The following ABCA13 variants were observed in gnomAD, a reference collection of about 807,000 sequenced individuals.
ABCA13 encodes the protein ATP binding cassette subfamily A member 13, also known as ATP-binding cassette sub-family A member 13.
Under a neutral mutation model 478.7 loss-of-function variants are expected in ABCA13, and 476 were observed. The observed-to-expected ratio is 0.99, with a 90% CI of 0.92 to 1.07. The LOEUF (loss-of-function observed/expected upper bound fraction) is 1.07. Ranked by LOEUF, ABCA13 falls within the 50% of genes least tolerant of loss-of-function variation. The pLI is 0.00. For missense variants in ABCA13, 6,060 were observed against 5,910.6 expected (o/e 1.03, Z -0.83); for synonymous variants, 2,252 against 2,158.9 (o/e 1.04, Z -1.20).
intron 21 of ABCA13, 79 bp downstream of exon 21, chr7:48,295,942 A>T: frequency 6.8e-7 from 1 of 1,477,352 alleles, no homozygotes. Context: ...TAAAATGTGA[A>T]TTTCAGACAG....
chr7:48,590,386 C>T (rs1789608444), intron 57 of ABCA13, among the ~76,000 whole-genome samples: 2 of 151,998 alleles, frequency 1.3e-5, no homozygotes, highest in African/African-American at 4.8e-5. Context: ...CCCATTTATA[C>T]ACTTAGGGAT....
intron 31 of ABCA13, among the ~76,000 whole-genome samples, chr7:48,366,166 T>C (rs941912115): frequency 2.0e-5 from 3 of 152,112 alleles, no homozygotes; most frequent in African/African-American, 7.2e-5. Context: ...ATAAAGTCTT[T>C]CATCAAAGAA....
At chr7:48,577,998 TAAC>T (rs1364388776) in intron 55 of ABCA13, among the ~76,000 whole-genome samples, 1 of 152,074 alleles carries the variant, frequency 6.6e-6, no homozygotes, top group Non-Finnish European at 1.5e-5. Context: ...AACAGATGCA[TAAC>T]AACATTTTTC....
chr7:48,469,051 A>G (rs1827188686), intron 44 of ABCA13, among the ~76,000 whole-genome samples: 1 of 152,210 alleles, frequency 6.6e-6, no homozygotes, highest in African/African-American at 2.4e-5. Context: ...GAATTCTCCT[A>G]CTATTTCTAA....
At chr7:48,172,151 C>T (rs1190448200) in intron 1 of ABCA13, among the ~76,000 whole-genome samples, 4 of 152,140 alleles carry the variant, frequency 2.6e-5, no homozygotes, top group East Asian at 1.9e-4. Flanking sequence ...TGTAAGTGTA[C>T]GTTTTTGTGA....
chr7:48,470,167 GTCTC>G (rs1827332117), intron 44 of ABCA13, among the ~76,000 whole-genome samples: 1 of 152,130 alleles, frequency 6.6e-6, no homozygotes, highest in Admixed American at 6.5e-5. Flanking sequence ...CATCCCCTCT[GTCTC>G]TCCCTTTTAT....
chr7:48,457,591 T>G (rs1375244696), intron 43 of ABCA13, among the ~76,000 whole-genome samples: 4 of 152,252 alleles, frequency 2.6e-5, no homozygotes, highest in Admixed American at 6.5e-5. Context: ...TAATATTTTC[T>G]TCTATTTCTA....
intron 55 of ABCA13, among the ~76,000 whole-genome samples, chr7:48,549,194 C>G (rs568574499): frequency 1.3e-5 from 2 of 151,856 alleles, no homozygotes; most frequent in East Asian, 3.9e-4. Context: ...AGGTATTTGT[C>G]CTAATGCTTT....
chr7:48,462,102 G>A (rs868053203), intron 43 of ABCA13, among the ~76,000 whole-genome samples: 8 of 152,288 alleles, frequency 5.3e-5, no homozygotes, highest in African/African-American at 1.4e-4. Context: ...TTTTCCAGAC[G>A]TGGAGAAGAG....
intron 59 of ABCA13, chr7:48,626,706 G>A (rs544463425): frequency 8.1e-6 from 8 of 985,426 alleles, no homozygotes; most frequent in East Asian, 1.1e-4. Context: ...CTTTACAGCC[G>A]GCTGATCTGA....
chr7:48,462,356 C>T (rs780799461), intron 43 of ABCA13, among the ~76,000 whole-genome samples: 1 of 151,974 alleles, frequency 6.6e-6, no homozygotes, highest in Non-Finnish European at 1.5e-5. Context: ...TTATTTGGAG[C>T]AGTCTATCTG....
At chr7:48,197,562 T>C (rs1001478169) in intron 2 of ABCA13, among the ~76,000 whole-genome samples, 2 of 152,012 alleles carry the variant, frequency 1.3e-5, no homozygotes, top group Non-Finnish European at 2.9e-5. Flanking sequence ...AAACCAGGTG[T>C]ACTGTGCAGG....
chr7:48,608,711 T>C (rs1791722417), intron 58 of ABCA13, among the ~76,000 whole-genome samples: 1 of 152,226 alleles, frequency 6.6e-6, no homozygotes, highest in Non-Finnish European at 1.5e-5. Flanking sequence ...TTTTCGAAAC[T>C]AGGGAGAGTG....
At chr7:48,411,218 CTTCTCT>C (rs1819151797) in intron 40 of ABCA13, among the ~76,000 whole-genome samples, 1 of 140,980 alleles carries the variant, frequency 7.1e-6, no homozygotes, top group Non-Finnish European at 1.5e-5. Context: ...CTCCCCTTCC[CTTCTCT>C]TTCTCTTTCT....
In ABCA13 at chr7:48,279,770, A is replaced by G; in HGVS notation, c.8576A>G (p.Lys2859Arg). The change falls in exon 18 of 62, where the codon AAG becomes AGG. Residue 2859 changes from lysine (K) to arginine (R), a missense_variant. Physicochemically the swap from Lys to Arg is conservative, Grantham distance 26. Transcript: ENST00000435803. ...ATTTTCATTAAAGCAACCACCGGAA[A>G]GAATGTCACATCAGAAAAAGAAGAG... ...FEIFIKATTGKNVTSEKEERT... is the reference protein window; with the variant it reads ...FEIFIKATTGRNVTSEKEERT... The G allele has an allele frequency of 1.2e-6, 2 of 1,609,646 alleles. No individual in the cohort carries two copies. The highest frequency in any genetic ancestry group is 1.1e-5 in the South Asian group (1 of 89,804).
intron 55 of ABCA13, among the ~76,000 whole-genome samples, chr7:48,543,609 G>T (rs980300262): frequency 1.3e-5 from 2 of 151,374 alleles, no homozygotes; most frequent in African/African-American, 4.8e-5. Context: ...GGGCAACAGA[G>T]GGAGACTCCA....
chr7:48,460,451 T>C (rs1163287346), intron 43 of ABCA13, among the ~76,000 whole-genome samples: 1 of 152,138 alleles, frequency 6.6e-6, no homozygotes, highest in Non-Finnish European at 1.5e-5. Flanking sequence ...CACTCCAGTC[T>C]CAGCCTCCTG....
At chr7:48,416,793 A>C (rs889319616) in intron 41 of ABCA13, among the ~76,000 whole-genome samples, 10 of 151,944 alleles carry the variant, frequency 6.6e-5, no homozygotes, top group African/African-American at 2.4e-4. Context: ...CCCCAGACCC[A>C]TGTCCATGCT....
At chr7:48,532,496 T>G (rs539345151) in intron 55 of ABCA13, among the ~76,000 whole-genome samples, 1 of 152,238 alleles carries the variant, frequency 6.6e-6, no homozygotes, top group African/African-American at 2.4e-5. Flanking sequence ...GATTTTGGTA[T>G]TGGGGTGACA....
Sources: gnomAD v4.1 joint callset for allele counts (sites outside exome capture counted in the v4.1 genomes callset) on GRCh38, gnomAD v4.1.1 for gene constraint, MANE v1.5 for transcripts, NCBI Gene and HGNC (gene_info 2026-07-23, HGNC 2026-07-21) for gene names.